GABRB3: variants seen among roughly 807,000 people sequenced by gnomAD.
The protein encoded by GABRB3 is gamma-aminobutyric acid receptor subunit beta-3.
A neutral mutation model predicts 52.1 loss-of-function variants in GABRB3; 14 were observed. The ratio of observed to expected loss-of-function variants is 0.27; its 90% CI spans 0.18 to 0.42. GABRB3 has a LOEUF of 0.42. GABRB3 is among the 10% of genes least tolerant of loss of function. The pLI is 1.00. For missense variants in GABRB3, 307 were observed against 609.1 expected (o/e 0.50, Z 5.22); for synonymous variants, 260 against 232.3 (o/e 1.12, Z -1.08).
chr15:26,580,437 G>A lies in GABRB3; in HGVS notation c.564C>T (p.Asp188=). Residue 188 remains aspartate, a synonymous_variant, in exon 6 of 9, where the codon GAC becomes GAT. Coordinates refer to ENST00000311550, the MANE Select transcript of GABRB3 (RefSeq NM_000814.6). Reference sequence around the variant, plus strand: ...CCCCGCCTCGCCAGTAAAACTCAATGTCATCCGTGGTGTAGCCATCTGCCA... The same window carrying A: ...CCCCGCCTCGCCAGTAAAACTCAATATCATCCGTGGTGTAGCCATCTGCCA... The part of the protein sequence containing the change: ...EIESYGYTTD[D]IEFYWRGGDK... 6.2e-7 allele frequency: 1 copy of A among 1,614,160 alleles called. No individual in the cohort carries two copies. The highest frequency in any genetic ancestry group is 8.5e-7 in the Non-Finnish European group (1 of 1,180,032).
intron 4 of GABRB3, among the ~76,000 whole-genome samples, chr15:26,606,805 T>TATCTATCGATAGATATATCGATAG (rs1275882932): frequency 1.7e-5 from 2 of 117,948 alleles, no homozygotes; most frequent in South Asian, 5.4e-4. Context: ...TAGATATATC[T>TATCTATCGATAGATATATCGATAG]ATAGATAGAT....
chr15:26,737,249 G>A (rs1037548749), intron 3 of GABRB3, among the ~76,000 whole-genome samples: 7 of 152,200 alleles, frequency 4.6e-5, no homozygotes, highest in African/African-American at 1.7e-4. Context: ...CGATAGCCCA[G>A]GGAAGGAAGA....
chr15:26,747,539 T>C (rs1328622019), intron 3 of GABRB3, among the ~76,000 whole-genome samples: 1 of 152,214 alleles, frequency 6.6e-6, no homozygotes. Flanking sequence ...TGTTAGCATA[T>C]AGATGTGATT....
intron 3 of GABRB3, among the ~76,000 whole-genome samples, chr15:26,652,848 G>A (rs568418987): frequency 6.6e-6 from 1 of 152,340 alleles, no homozygotes; most frequent in Admixed American, 6.5e-5. Context: ...GAAAATGAAT[G>A]ATGTGGGGCA....
At chr15:26,671,140 A>G (rs1338418640) in intron 3 of GABRB3, among the ~76,000 whole-genome samples, 1 of 152,238 alleles carries the variant, frequency 6.6e-6, no homozygotes, top group Non-Finnish European at 1.5e-5. Context: ...CATTATGCCA[A>G]TCAAGAAGAG....
At chr15:26,617,752 A>G (rs1434567555) in intron 4 of GABRB3, among the ~76,000 whole-genome samples, 5 of 152,278 alleles carry the variant, frequency 3.3e-5, no homozygotes, top group African/African-American at 1.2e-4. Context: ...ACATGATTAT[A>G]TATCTAGAAA....
intron 4 of GABRB3, chr15:26,615,413 G>A (rs550607352): frequency 1.0e-6 from 1 of 986,100 alleles, no homozygotes; most frequent in Non-Finnish European, 1.2e-6. Context: ...ATATTCAGCT[G>A]AGCTCAAGCT....
chr15:26,772,948 CG>C lies in GABRB3; in HGVS notation c.14del (p.Ala5GlyfsTer24). On this transcript the variant is annotated frameshift_variant, in exon 1 of 9. Coordinates refer to ENST00000311550, the MANE Select transcript of GABRB3 (RefSeq NM_000814.6). LOFTEE classifies it high-confidence loss of function. MWGL[A>X]GGRLFGIFSA... Reference sequence around the variant, plus strand: ...AGAAGATGCCGAAAAGCCTTCCTCCCGCAAGGCCCCACATCCCTCCGCCGCG... The same window carrying C: ...AGAAGATGCCGAAAAGCCTTCCTCCCCAAGGCCCCACATCCCTCCGCCGCG... 1.4e-6 allele frequency: 2 copies of C among 1,472,210 alleles called. No homozygotes were observed. The highest frequency in any genetic ancestry group is 3.1e-5 in the East Asian group (1 of 32,726). 91.2% of individuals were successfully genotyped at this position (1,472,210 alleles called of 1,614,324 possible). A position where few individuals can be genotyped will look rare whatever the true frequency, so the allele number is the denominator to read the frequency against.
chr15:26,645,034 G>A (rs1233521139), intron 3 of GABRB3, among the ~76,000 whole-genome samples: 1 of 152,182 alleles, frequency 6.6e-6, no homozygotes, highest in Non-Finnish European at 1.5e-5. Flanking sequence ...GATTGCTTGA[G>A]GCAATTGAGA....
intron 3 of GABRB3, among the ~76,000 whole-genome samples, chr15:26,657,682 G>A (rs544963511): frequency 6.6e-6 from 1 of 152,236 alleles, no homozygotes; most frequent in South Asian, 2.1e-4. Flanking sequence ...GAATTTCAAA[G>A]GGTTTTATTC....
intron 4 of GABRB3, among the ~76,000 whole-genome samples, chr15:26,589,882 G>T (rs879467831): frequency 1.6e-4 from 25 of 152,104 alleles, no homozygotes; most frequent in Non-Finnish European, 3.4e-4. Flanking sequence ...TGTGGGACTC[G>T]AGCAAAATGT....
At chr15:26,733,517 G>C (rs566151393) in intron 3 of GABRB3, among the ~76,000 whole-genome samples, 2 of 152,146 alleles carry the variant, frequency 1.3e-5, no homozygotes, top group South Asian at 4.2e-4. Flanking sequence ...ATAAATAAAT[G>C]AAAACAAAGT....
At chr15:26,612,132 A>T (rs1892093308) in intron 4 of GABRB3, 1 of 152,232 alleles carries the variant, frequency 6.6e-6, no homozygotes, top group Non-Finnish European at 1.5e-5. Flanking sequence ...TAGTTACATT[A>T]AACTAAAAGT....
chr15:26,628,977 C>G (rs1424025179), intron 3 of GABRB3: 9 of 1,536,160 alleles, frequency 5.9e-6, no homozygotes, highest in Non-Finnish European at 7.8e-6. Flanking sequence ...CGACTTTTAC[C>G]TCTTCTGTCT....
At chr15:26,644,998 C>T (rs1051586650) in intron 3 of GABRB3, among the ~76,000 whole-genome samples, 6 of 152,188 alleles carry the variant, frequency 3.9e-5, no homozygotes, top group East Asian at 1.9e-4. Context: ...AATTTCAACA[C>T]TTTTTGTAAG....
In GABRB3 at chr15:26,567,643, G is replaced by A; in HGVS notation, c.773C>T (p.Thr258Met). 6.2e-7 allele frequency: 1 copy of A among 1,614,098 alleles called. No homozygotes were observed. The highest frequency in any genetic ancestry group is 8.5e-7 in the Non-Finnish European group (1 of 1,179,998). Residue 258 changes from threonine (T) to methionine (M), a missense_variant, in exon 7 of 9, where the codon ACG becomes ATG. This residue lies in a region of GABRB3 where 32 missense variants were observed against 147.8 expected (regional missense o/e 0.22). Coordinates refer to ENST00000311550, the MANE Select transcript of GABRB3 (RefSeq NM_000814.6). The part of the protein sequence containing the change: ...LQTYMPSILI[T>M]ILSWVSFWIN... ...CCAGAAGGACACCCACGACAGAATC[G>A]TTATCAGTATAGAGGGCATATAAGT... is the stretch of plus-strand genomic sequence containing the variant.
At chr15:26,557,459 T>C (rs934778359) in intron 8 of GABRB3, 3 of 152,324 alleles carry the variant, frequency 2.0e-5, no homozygotes, top group South Asian at 4.1e-4. Flanking sequence ...TAGAAGCTGT[T>C]AGGTTGTGTA....
chr15:26,606,734 A>T (rs1280174870), intron 4 of GABRB3, among the ~76,000 whole-genome samples: 1 of 151,616 alleles, frequency 6.6e-6, no homozygotes, highest in African/African-American at 2.4e-5. Flanking sequence ...GCAATCATAT[A>T]TATCTGTCAT....
At chr15:26,760,973 C>A (rs1890806224) in intron 3 of GABRB3, among the ~76,000 whole-genome samples, 1 of 152,180 alleles carries the variant, frequency 6.6e-6, no homozygotes, top group African/African-American at 2.4e-5. Context: ...GAGGCCTCTG[C>A]AGAGGTGGTT....
Sources: gnomAD v4.1 joint callset for allele counts (sites outside exome capture counted in the v4.1 genomes callset) on GRCh38, gnomAD v4.1.1 for gene constraint, gnomAD v4.1.1 regional missense constraint, MANE v1.5 for transcripts, NCBI Gene and HGNC (gene_info 2026-07-23, HGNC 2026-07-21) for gene names.